The following CCDC88C variants were observed in gnomAD, a reference collection of about 807,000 sequenced individuals.
The protein encoded by CCDC88C is protein Daple.
CCDC88C carries 131 observed loss-of-function variants against 198.8 expected under a neutral mutation model. The observed-to-expected ratio is 0.66, with a 90% CI of 0.57 to 0.76. The LOEUF (loss-of-function observed/expected upper bound fraction) is 0.76. CCDC88C is among the 30% of genes least tolerant of loss of function. The pLI, the probability that CCDC88C is intolerant of heterozygous loss-of-function variation, is 0.00. For missense variants in CCDC88C, 2,553 were observed against 2,631.6 expected, an observed-to-expected ratio of 0.97 and a Z score of 0.65; for synonymous variants, 1,166 against 1,114.7, an observed-to-expected ratio of 1.05 and a Z score of -0.92.
chr14:91,383,999 C>T lies in CCDC88C; in HGVS notation c.271-24288G>A, dbSNP rs183782676. Among the ~76,000 whole-genome samples the T allele has an allele frequency of 8.5e-5, 13 of 152,352 alleles. 1 individual carries two copies. The East Asian group carries it at 2.1e-3, about 25-fold the overall frequency. ...GGGCACAGCCTTCTGGAGTGCCACACCTGGGTACCACGGCACACTGGTGCA... is the reference window on the plus strand; with the variant it reads ...GGGCACAGCCTTCTGGAGTGCCACATCTGGGTACCACGGCACACTGGTGCA... On this transcript the variant is annotated intron_variant, in intron 3 of 29. Coordinates refer to ENST00000389857, the MANE Select transcript of CCDC88C (RefSeq NM_001080414.4).
At chr14:91,275,602 C>T (rs952787209) in intron 29 of CCDC88C, among the ~76,000 whole-genome samples, 7 of 151,768 alleles carry the variant, frequency 4.6e-5, no homozygotes, top group East Asian at 1.9e-4. Context: ...CTCAACCTCC[C>T]GAGTAGCTGG....
intron 3 of CCDC88C, among the ~76,000 whole-genome samples, chr14:91,386,856 AAG>A (rs1463508961): frequency 6.6e-6 from 1 of 152,122 alleles, no homozygotes; most frequent in Non-Finnish European, 1.5e-5. Flanking sequence ...GGGACCAACT[AAG>A]TCATCTCTGC....
chr14:91,341,510 A>G (rs748797240), intron 6 of CCDC88C, among the ~76,000 whole-genome samples: 16 of 152,200 alleles, frequency 1.1e-4, no homozygotes, highest in East Asian at 1.9e-4. Flanking sequence ...CTTCTCCCCA[A>G]TATCAACCCA....
chr14:91,337,872 A>C (rs1394638343), intron 10 of CCDC88C, 133 bp downstream of exon 10: 3 of 1,070,408 alleles, frequency 2.8e-6, no homozygotes, highest in Non-Finnish European at 2.7e-6. Flanking sequence ...AGGCAGGCTG[A>C]GGTGCCGGGG....
At position 91,309,593 on chromosome 14, in the gene CCDC88C, G is replaced by C. The variant is rs1412355011; in HGVS notation, c.2864+266C>G. Among the ~76,000 whole-genome samples the C allele has an allele frequency of 2.9e-5, 4 of 140,086 alleles. No homozygotes were observed. In the East Asian group the frequency reaches 8.2e-4, roughly 29 times the overall value. 91.9% of individuals were successfully genotyped at this position (140,086 alleles called of 152,430 possible). A position where few individuals can be genotyped will look rare whatever the true frequency, so the allele number is the denominator to read the frequency against. On this transcript the variant is annotated intron_variant, in intron 16 of 29. Coordinates refer to ENST00000389857, the MANE Select transcript of CCDC88C (RefSeq NM_001080414.4). The stretch of plus-strand genomic sequence containing the variant: ...ATACTACACTCCAGCCTGGACAACA[G>C]AGCCAGACCCTGTCTCAAAAAAAAA...
At chr14:91,323,040 G>T (rs560021470) in intron 12 of CCDC88C, among the ~76,000 whole-genome samples, 135 of 151,900 alleles carry the variant, frequency 8.9e-4, no homozygotes, top group African/African-American at 3.1e-3. Context: ...TGAGTAGCTG[G>T]GATTACAGGT....
chr14:91,333,845 G>A (rs1892937363), intron 10 of CCDC88C, among the ~76,000 whole-genome samples: 1 of 152,164 alleles, frequency 6.6e-6, no homozygotes, highest in Admixed American at 6.5e-5. Context: ...TTGAGAAACT[G>A]AGAAATGAAG....
At chr14:91,330,784 G>A (rs1166495651) in intron 10 of CCDC88C, among the ~76,000 whole-genome samples, 1 of 152,134 alleles carries the variant, frequency 6.6e-6, no homozygotes, top group Non-Finnish European at 1.5e-5. Context: ...GATAACCCGG[G>A]TACACTGAGG....
chr14:91,281,552 C>A, intron 26 of CCDC88C, 27 bp from the exon 27 acceptor site: 2 of 1,609,562 alleles, frequency 1.2e-6, no homozygotes, highest in South Asian at 2.2e-5. Flanking sequence ...GCTAGTGAGT[C>A]ATGGTTACGG....
At chr14:91,341,917 C>G (rs976730117) in intron 6 of CCDC88C, among the ~76,000 whole-genome samples, 1 of 152,162 alleles carries the variant, frequency 6.6e-6, no homozygotes, top group Non-Finnish European at 1.5e-5. Context: ...TTCTGGGACT[C>G]GCTGGTTTTG....
In CCDC88C at chr14:91,313,184, G is replaced by A. The variant is rs760347623; in HGVS notation, c.2632C>T (p.Arg878Cys). Residue 878 changes from arginine (R) to cysteine (C), a missense_variant, in exon 15 of 30, where the codon CGC becomes TGC. Around this residue, in one of 2 missense-constraint regions of CCDC88C, gnomAD observed 1,260 missense variants for 1,412.0 expected, o/e 0.89. Transcript: ENST00000389857. This position sits in a 1 kb window ranked among gnomAD's most constrained non-coding sequence, Gnocchi z 5.2. ...ESRALDKELA[R>C]CRDAAGKLKE... The stretch of plus-strand genomic sequence containing the variant: ...AGCTTGCCGGCTGCGTCCCTGCAGC[G>A]GGCCAGCTCCTTGTCCAGCGCGCGG... 2.4e-5 allele frequency: 39 copies of A among 1,612,842 alleles called. No individual in the cohort carries two copies. The highest frequency in any genetic ancestry group is 1.1e-4 in the East Asian group (5 of 44,886).
rs756398726 is a variant in CCDC88C at position 91,321,291 on chromosome 14, C to T, written c.1356G>A (p.Ser452=). The T allele has an allele frequency of 9.6e-6, 15 of 1,556,174 alleles. No homozygotes were observed. Among genetic ancestry groups the T allele is most frequent in the South Asian group, 9.5e-5 (8 of 84,458 alleles). The change falls in exon 13 of 30, where the codon TCG becomes TCA. Residue 452 remains serine, a synonymous_variant. Coordinates refer to ENST00000389857, the MANE Select transcript of CCDC88C (RefSeq NM_001080414.4). The stretch of plus-strand genomic sequence containing the variant: ...CACATTCGTTCAGCTCAAACACAAA[C>T]GACTTCCTGGAGGCTGAAGACAAAG... ...NADLSDASRK[S]FVFELNECAS...
At position 91,273,877 on chromosome 14, in the gene CCDC88C, TC is replaced by T. The variant is rs1283362243; in HGVS notation, c.5059-225del. Among the ~76,000 whole-genome samples the T allele has an allele frequency of 4.0e-5, 6 of 151,064 alleles. No individual in the cohort carries two copies. The highest frequency in any genetic ancestry group is 1.5e-4 in the African/African-American group (6 of 41,028). ...GGACCACCAGGAAAGAACCCCAGAT[TC>T]CCCCCAGGCAACCCCCTAACTTTAC... is the stretch of plus-strand genomic sequence containing the variant. On this transcript the variant is annotated intron_variant, in intron 29 of 29. Transcript: ENST00000389857. The surrounding 1 kb of genome is among the most constrained non-coding windows in gnomAD (Gnocchi z 5.6).
chr14:91,350,510 A>G (rs1893738663), intron 4 of CCDC88C, among the ~76,000 whole-genome samples: 1 of 152,208 alleles, frequency 6.6e-6, no homozygotes, highest in African/African-American at 2.4e-5. Context: ...CTTGTTGTGT[A>G]TAAACAATGA....
intron 28 of CCDC88C, 141 bp downstream of exon 28, chr14:91,279,097 G>A (rs1890092250): frequency 2.9e-6 from 2 of 682,782 alleles, no homozygotes; most frequent in Admixed American, 2.4e-5. Context: ...ATGGGGTTTC[G>A]CCATGTTTCC....
At position 91,305,946 on chromosome 14, in the gene CCDC88C, G is replaced by T; in HGVS notation, c.3196-20C>A. 1.9e-6 allele frequency: 3 copies of T among 1,607,182 alleles called. No homozygotes were observed. The highest frequency in any genetic ancestry group is 1.1e-5 in the South Asian group (1 of 90,858). Reference sequence around the variant, plus strand: ...TGCATTCTAGAAGATCGGGAGGCATGAGCGAATCAAACTCCAACTGGGTAA... The same window carrying T: ...TGCATTCTAGAAGATCGGGAGGCATTAGCGAATCAAACTCCAACTGGGTAA... On this transcript the variant is annotated intron_variant, in intron 18 of 29. Transcript: ENST00000389857.
At chr14:91,375,254 C>T (rs150792653) in intron 3 of CCDC88C, among the ~76,000 whole-genome samples, 15 of 152,130 alleles carry the variant, frequency 9.9e-5, no homozygotes, top group African/African-American at 3.4e-4. Context: ...AGCATGCGCG[C>T]GTGTCTGTGT....
At position 91,381,254 on chromosome 14, in the gene CCDC88C, C is replaced by A. The variant is rs1300504956; in HGVS notation, c.271-21543G>T. On this transcript the variant is annotated intron_variant, in intron 3 of 29. Transcript: ENST00000389857. The surrounding 1 kb of genome is among the most constrained non-coding windows in gnomAD (Gnocchi z 4.2). The stretch of plus-strand genomic sequence containing the variant: ...TCCTCTGAAGGAGACTGTGACCCAC[C>A]AGACCCCTCACACATGCCCGTGAGG... 6.6e-6 allele frequency among the ~76,000 whole-genome samples: 1 copy of A among 152,162 alleles called. No individual in the cohort carries two copies. The highest frequency in any genetic ancestry group is 1.9e-4 in the East Asian group (1 of 5,172).
At chr14:91,315,556 C>T in intron 14 of CCDC88C, 94 bp downstream of exon 14, 2 of 1,331,528 alleles carry the variant, frequency 1.5e-6, no homozygotes, top group Non-Finnish European at 1.0e-6. Context: ...ATAATCCATG[C>T]ATCCACAATA....
Sources: gnomAD v4.1 joint callset for allele counts (sites outside exome capture counted in the v4.1 genomes callset) on GRCh38, gnomAD v4.1.1 for gene constraint, gnomAD v4.1.1 regional missense constraint, Gnocchi (gnomAD v3.1) non-coding constraint, MANE v1.5 for transcripts, NCBI Gene and HGNC (gene_info 2026-07-23, HGNC 2026-07-21) for gene names.